ZNF91: variants seen among roughly 807,000 people sequenced by gnomAD.
ZNF91 encodes the protein zinc finger protein 91.
A neutral mutation model predicts 12.6 loss-of-function variants in ZNF91; 7 were observed. That is an observed-to-expected ratio of 0.55 (90% CI 0.31 to 1.04). The LOEUF (loss-of-function observed/expected upper bound fraction) is 1.04. Ranked by LOEUF, ZNF91 falls within the 50% of genes least tolerant of loss-of-function variation. The probability of loss-of-function intolerance (pLI) is 0.05; values close to 1 mark genes in which losing one functional copy is unlikely to be tolerated. For synonymous variants in ZNF91, 453 were observed against 462.6 expected (o/e 0.98, Z 0.27); for missense variants, 1,217 against 1,385.4 (o/e 0.88, Z 1.93).
At chr19:23,312,916 C>G (rs1234125882), upstream of ZNF91, among the ~76,000 whole-genome samples, 1 of 152,198 alleles carries the variant, frequency 6.6e-6, no homozygotes, top group East Asian at 1.9e-4. Flanking sequence ...CAACCAAAAG[C>G]AGTCAAATGT....
intron 1 of ZNF91, among the ~76,000 whole-genome samples, chr19:23,383,470 C>T (rs575679127): frequency 6.6e-6 from 1 of 152,060 alleles, no homozygotes; most frequent in South Asian, 2.1e-4. Context: ...GGTGGATCGC[C>T]TGAGGTCAGG....
At chr19:23,344,643 C>A (rs1407315319) in intron 3 of ZNF91, among the ~76,000 whole-genome samples, 1 of 152,134 alleles carries the variant, frequency 6.6e-6, no homozygotes, top group African/African-American at 2.4e-5. Context: ...GCTGATGAAG[C>A]ATTCAGATGG....
chr19:23,345,903 C>T (rs1318049206), intron 3 of ZNF91, among the ~76,000 whole-genome samples: 1 of 152,016 alleles, frequency 6.6e-6, no homozygotes, highest in Non-Finnish European at 1.5e-5. Context: ...ACTTTACACT[C>T]CTATCTATCC....
At chr19:23,372,618 C>T (rs1305285321) in intron 3 of ZNF91, among the ~76,000 whole-genome samples, 1 of 152,202 alleles carries the variant, frequency 6.6e-6, no homozygotes. Flanking sequence ...TTGAACTGTA[C>T]TCTGTAACCA....
rs560918286 is a variant in ZNF91, at chr19:23,358,097, TC to T, written c.*1305del. The T allele has an allele frequency of 6.6e-6, 1 of 152,274 alleles. No homozygotes were observed. The highest frequency in any genetic ancestry group is 2.1e-4 in the South Asian group (1 of 4,832). The allele number at this position is 152,274 out of a possible 1,614,324, so 9.4% of individuals were successfully genotyped here. A position where few individuals can be genotyped will look rare whatever the true frequency, so the allele number is the denominator to read the frequency against. ...CTTACCAAATAGTGTATTTTTACCA[TC>T]TTTTACCTACACCCTTGAGTAAGGT... On this transcript the variant is annotated 3_prime_UTR_variant, in exon 4 of 4. Coordinates refer to ENST00000300619, the MANE Select transcript of ZNF91 (RefSeq NM_003430.4).
At chr19:23,341,010 C>G (rs550813018) in intron 3 of ZNF91, among the ~76,000 whole-genome samples, 1 of 150,584 alleles carries the variant, frequency 6.6e-6, no homozygotes, top group Non-Finnish European at 1.5e-5. Flanking sequence ...ATAGCCAACA[C>G]GCATATGAAA....
At chr19:23,342,126 C>G (rs527890058) in intron 3 of ZNF91, 1 of 405,332 alleles carries the variant, frequency 2.5e-6, no homozygotes, top group African/African-American at 2.0e-5. Context: ...TTCTGACCTT[C>G]GTATCCCTCG....
chr19:23,318,538 G>C (rs957056025), intron 1 of ZNF91, among the ~76,000 whole-genome samples: 3 of 151,792 alleles, frequency 2.0e-5, no homozygotes. Context: ...GCTGGGCTCA[G>C]CACCAAGATG....
At chr19:23,334,504 A>G (rs1247750884), downstream of ZNF91, among the ~76,000 whole-genome samples, 1 of 152,186 alleles carries the variant, frequency 6.6e-6, no homozygotes, top group Non-Finnish European at 1.5e-5. Context: ...TTAAAAAGAG[A>G]CTTTTCAGCC....
intron 1 of ZNF91, 53 bp downstream of exon 1, chr19:23,395,272 G>T: frequency 2.5e-6 from 4 of 1,602,744 alleles, no homozygotes. Context: ...GCATCCCACC[G>T]GTTTCAACGA....
At chr19:23,388,920 T>G (rs1568405024) in intron 1 of ZNF91, among the ~76,000 whole-genome samples, 3 of 151,866 alleles carry the variant, frequency 2.0e-5, no homozygotes, top group East Asian at 3.9e-4. Context: ...GAAAACCAAA[T>G]GCATGTTATT....
At chr19:23,366,017 T>C (rs1034613277) in intron 3 of ZNF91, among the ~76,000 whole-genome samples, 1 of 152,234 alleles carries the variant, frequency 6.6e-6, no homozygotes, top group Non-Finnish European at 1.5e-5. Context: ...TTTCCCCACC[T>C]TTCCCCCTCC....
At chr19:23,322,703 CCTCA>C (rs1967724847) in intron 1 of ZNF91, among the ~76,000 whole-genome samples, 1 of 148,670 alleles carries the variant, frequency 6.7e-6, no homozygotes, top group Non-Finnish European at 1.5e-5. Flanking sequence ...GTCTTCTCCT[CCTCA>C]CTTTTCTCCT....
At chr19:23,369,450 C>A (rs1257717976) in intron 3 of ZNF91, among the ~76,000 whole-genome samples, 2 of 151,874 alleles carry the variant, frequency 1.3e-5, no homozygotes, top group South Asian at 4.1e-4. Context: ...TGCCCGGCCG[C>A]CCCTTCTGGG....
intron 1 of ZNF91, among the ~76,000 whole-genome samples, chr19:23,383,490 T>C (rs995241178): frequency 6.6e-6 from 1 of 151,594 alleles, no homozygotes; most frequent in Non-Finnish European, 1.5e-5. Context: ...GAGTTTGAGA[T>C]CAACCTGGCT....
In ZNF91 at chr19:23,361,270, C is replaced by T; in HGVS notation, c.1709G>A (p.Gly570Glu). ...TTCTTCACATTTGTAGAGTTTCTTT[C>T]CAGCATGAATTATTTTATGTGTAGT... ...TLTTHKIIHA[G>E]KKLYKCEECG... The change falls in exon 4 of 4, where the codon GGA (glycine) becomes GAA (glutamate). Residue 570 changes from glycine to glutamate, a missense_variant. Coordinates refer to ENST00000300619, the MANE Select transcript of ZNF91 (RefSeq NM_003430.4). The T allele has an allele frequency of 6.2e-7, 1 of 1,613,226 alleles. No individual in the cohort carries two copies. Among genetic ancestry groups the T allele is most frequent in the Non-Finnish European group, 8.5e-7 (1 of 1,179,720 alleles).
intron 1 of ZNF91, among the ~76,000 whole-genome samples, chr19:23,385,472 A>AG (rs931006779): frequency 6.6e-6 from 1 of 152,112 alleles, no homozygotes; most frequent in Non-Finnish European, 1.5e-5. Context: ...AAAACAATTT[A>AG]GAAAAAAAAA....
Position 23,380,057 on chromosome 19 carries a change from G to A in ZNF91, c.31-5293C>T, listed in dbSNP as rs532842967. 5.0e-4 allele frequency among the ~76,000 whole-genome samples: 76 copies of A among 151,924 alleles called. No individual in the cohort carries two copies. In the South Asian group the frequency reaches 0.011, roughly 23 times the overall value. ...AGATCATGAGGTCAAGAGTTCAAGA[G>A]CAGCCTGGTCAACATAGTGAAGCCC... On this transcript the variant is annotated intron_variant, in intron 1 of 3. Transcript: ENST00000300619.
intron 3 of ZNF91, among the ~76,000 whole-genome samples, chr19:23,363,741 G>T (rs753338655): frequency 2.6e-5 from 4 of 151,930 alleles, no homozygotes; most frequent in Non-Finnish European, 4.4e-5. Context: ...TTTATGAATT[G>T]GTAATGAATA....
Sources: gnomAD v4.1 joint callset for allele counts (sites outside exome capture counted in the v4.1 genomes callset) on GRCh38, gnomAD v4.1.1 for gene constraint, MANE v1.5 for transcripts, NCBI Gene and HGNC (gene_info 2026-07-23, HGNC 2026-07-21) for gene names.